Variants in CD86 observed in about 807,000 individuals in gnomAD.
CD86 encodes CD86 molecule.
In CD86, 11 loss-of-function variants were observed where a neutral mutation model predicts 32.1. The observed-to-expected ratio is 0.34, with a 90% confidence interval of 0.22 to 0.57. The LOEUF (loss-of-function observed/expected upper bound fraction) is 0.57, where lower values mean the gene tolerates loss of function less well. Among genes scored for constraint, CD86 ranks in the 20% least tolerant of loss-of-function variants. CD86 has a pLI of 0.86. For missense variants in CD86, 359 were observed against 398.4 expected (o/e 0.90, Z 0.84); for synonymous variants, 137 against 135.3 (o/e 1.01, Z -0.09).
In CD86 at chr3:122,103,671, T is replaced by C; in HGVS notation, c.224T>C (p.Phe75Ser). 1.2e-6 allele frequency: 2 copies of C among 1,614,092 alleles called. No individual in the cohort carries two copies. The highest frequency in any genetic ancestry group is 1.7e-6 in the Non-Finnish European group (2 of 1,179,938). ...LNEVYLGKEK[F>S]DSVHSKYMGR... ...GAGGTATACTTAGGCAAAGAGAAAT[T>C]TGACAGTGTTCATTCCAAGTATATG... Residue 75 changes from phenylalanine (F) to serine (S), a missense_variant, in exon 3 of 7, where the codon TTT (phenylalanine) becomes TCT (serine). Transcript: ENST00000330540.
At chr3:122,100,643 A>C (rs564853417) in intron 2 of CD86, among the ~76,000 whole-genome samples, 1 of 152,180 alleles carries the variant, frequency 6.6e-6, no homozygotes, top group African/African-American at 2.4e-5. Flanking sequence ...AGGCTAGCAA[A>C]TTACAGTTTT....
chr3:122,080,233 AT>A (rs1456860701), intron 1 of CD86, among the ~76,000 whole-genome samples: 1 of 152,198 alleles, frequency 6.6e-6, no homozygotes, highest in African/African-American at 2.4e-5. Flanking sequence ...CCTCGAGTGG[AT>A]GAGCACAGAC....
At chr3:122,071,293 C>T (rs1168425149) in intron 1 of CD86, among the ~76,000 whole-genome samples, 1 of 152,140 alleles carries the variant, frequency 6.6e-6, no homozygotes, top group African/African-American at 2.4e-5. Context: ...CCCTTCCCAC[C>T]CCTCCCCAAC....
chr3:122,094,012 ATATAG>A (rs1161375547), intron 2 of CD86, among the ~76,000 whole-genome samples: 1 of 152,204 alleles, frequency 6.6e-6, no homozygotes, highest in African/African-American at 2.4e-5. Context: ...TTGGTGGATA[ATATAG>A]CTTCTGCCTC....
intron 2 of CD86, among the ~76,000 whole-genome samples, chr3:122,099,827 C>G (rs1354859465): frequency 6.6e-6 from 1 of 152,170 alleles, no homozygotes; most frequent in Non-Finnish European, 1.5e-5. Flanking sequence ...GGGCTGGTGG[C>G]TATCATATTG....
intron 1 of CD86, among the ~76,000 whole-genome samples, chr3:122,071,152 C>T (rs1377702445): frequency 3.9e-5 from 6 of 152,120 alleles, no homozygotes; most frequent in Admixed American, 6.6e-5. Context: ...CCATAATTTA[C>T]ATTAAGTTTC....
intron 1 of CD86, among the ~76,000 whole-genome samples, chr3:122,090,857 G>A (rs576027282): frequency 6.6e-6 from 1 of 152,254 alleles, no homozygotes; most frequent in African/African-American, 2.4e-5. Context: ...TCAAAGCGTG[G>A]TCCTTAGGCC....
intron 5 of CD86, among the ~76,000 whole-genome samples, chr3:122,115,843 A>G (rs886855581): frequency 1.3e-5 from 2 of 151,966 alleles, no homozygotes; most frequent in Admixed American, 1.3e-4. Flanking sequence ...ATATTGGTAA[A>G]AGGACAGACA....
chr3:122,098,661 C>A (rs1008705824), intron 2 of CD86, among the ~76,000 whole-genome samples: 1 of 152,110 alleles, frequency 6.6e-6, no homozygotes, highest in Non-Finnish European at 1.5e-5. Context: ...AAACTAGACC[C>A]GGGGACAAGG....
At chr3:122,089,948 C>T (rs557167433) in intron 1 of CD86, among the ~76,000 whole-genome samples, 2 of 152,242 alleles carry the variant, frequency 1.3e-5, no homozygotes, top group South Asian at 4.1e-4. Context: ...ACCATTTGTG[C>T]TTAAAAATAA....
At chr3:122,087,212 A>T (rs2072737368) in intron 1 of CD86, among the ~76,000 whole-genome samples, 2 of 151,974 alleles carry the variant, frequency 1.3e-5, no homozygotes, top group South Asian at 4.2e-4. Context: ...CTCTTTTTAG[A>T]TTTCTGACTA....
At chr3:122,116,796 A>C (rs1436813576) in intron 5 of CD86, among the ~76,000 whole-genome samples, 1 of 152,216 alleles carries the variant, frequency 6.6e-6, no homozygotes, top group Non-Finnish European at 1.5e-5. Context: ...GCACAAGAAG[A>C]ATACACATTA....
At position 122,119,569 on chromosome 3, in the gene CD86, T is replaced by G. The variant is rs754661240; in HGVS notation, c.*35T>G. On this transcript the variant is annotated 3_prime_UTR_variant, in exon 7 of 7. Transcript: ENST00000330540. ...AAAGCCCATACAAGTATTCATTTTT[T>G]CTACCCTTTCCTTTGTAAGTTCCTG... The G allele has an allele frequency of 3.8e-6, 5 of 1,324,094 alleles. No homozygotes were observed. The highest frequency in any genetic ancestry group is 5.4e-6 in the Non-Finnish European group (5 of 923,836). The allele number at this position is 1,324,094 out of a possible 1,614,324, so 82.0% of individuals were successfully genotyped here.
Position 122,120,012 on chromosome 3 carries a change from T to C in CD86, c.*478T>C, listed in dbSNP as rs1303942637. 6.2e-6 allele frequency: 1 copy of C among 162,192 alleles called. No individual in the cohort carries two copies. Among genetic ancestry groups the C allele is most frequent in the Non-Finnish European group, 1.3e-5 (1 of 75,438 alleles). The allele number at this position is 162,192 out of a possible 1,614,324, so 10.0% of individuals were successfully genotyped here. ...TGGGACTTATGTATTTATGACCTTA[T>C]AGTGTTAATATCTTGAAACATAGAG... On this transcript the variant is annotated 3_prime_UTR_variant, in exon 7 of 7. Transcript: ENST00000330540.
At position 122,120,534 on chromosome 3, in the gene CD86, T is replaced by C. The variant is rs1019993630; in HGVS notation, c.*1000T>C. The C allele has an allele frequency of 6.6e-6, 1 of 152,232 alleles. No homozygotes were observed. Among genetic ancestry groups the C allele is most frequent in the African/African-American group, 2.4e-5 (1 of 41,460 alleles). The allele number at this position is 152,232 out of a possible 1,614,324, so 9.4% of individuals were successfully genotyped here. On this transcript the variant is annotated 3_prime_UTR_variant, in exon 7 of 7. Transcript: ENST00000330540. Reference sequence around the variant, plus strand: ...AATGGACATAAGACAGACAGCAGTTTCCCTGGTGGTCAGGGAGGGGTTTTG... The same window carrying C: ...AATGGACATAAGACAGACAGCAGTTCCCCTGGTGGTCAGGGAGGGGTTTTG...
intron 1 of CD86, among the ~76,000 whole-genome samples, chr3:122,090,875 T>C (rs1277528202): frequency 1.3e-5 from 2 of 152,210 alleles, no homozygotes; most frequent in Non-Finnish European, 2.9e-5. Context: ...GCCGGCAGCA[T>C]TGTCATCACC....
At chr3:122,060,842 C>T (rs1357416971) in intron 1 of CD86, among the ~76,000 whole-genome samples, 5 of 151,942 alleles carry the variant, frequency 3.3e-5, no homozygotes, top group Admixed American at 3.3e-4. Context: ...AGAGGTAAAG[C>T]CTCTGGTGAA....
intron 1 of CD86, among the ~76,000 whole-genome samples, chr3:122,068,120 T>G (rs2072439599): frequency 6.6e-6 from 1 of 152,194 alleles, no homozygotes; most frequent in South Asian, 2.1e-4. Flanking sequence ...ATCACTGATT[T>G]AAAAAACCAC....
chr3:122,087,264 G>A (rs968553949), intron 1 of CD86, among the ~76,000 whole-genome samples: 5 of 152,098 alleles, frequency 3.3e-5, no homozygotes, highest in Non-Finnish European at 5.9e-5. Flanking sequence ...GTGCTTAGCT[G>A]ACAGAAATCT....
Sources: allele counts gnomAD v4.1 joint callset (sites outside exome capture counted in the v4.1 genomes callset), GRCh38; gene constraint gnomAD v4.1.1; transcripts MANE v1.5; gene names NCBI Gene and HGNC (gene_info 2026-07-23, HGNC 2026-07-21).